The following PRKAG1 variants were observed in gnomAD, a reference collection of about 807,000 sequenced individuals.
The protein encoded by PRKAG1 is protein kinase AMP-activated non-catalytic subunit gamma 1, also known as 5'-AMP-activated protein kinase subunit gamma-1.
A neutral mutation model predicts 48.2 loss-of-function variants in PRKAG1; 27 were observed. The observed-to-expected ratio is 0.56, with a 90% CI of 0.41 to 0.77. The LOEUF is 0.77. Among genes scored for constraint, PRKAG1 ranks in the 30% least tolerant of loss-of-function variants. The pLI, the probability that PRKAG1 is intolerant of heterozygous loss-of-function variation, is 0.00. For synonymous variants in PRKAG1, 130 were observed against 147.7 expected (o/e 0.88, Z 0.87); for missense variants, 287 against 398.3 (o/e 0.72, Z 2.38).
Position 49,013,111 on chromosome 12 carries a change from C to G in PRKAG1, c.10-1G>C. The G allele has an allele frequency of 6.2e-7, 1 of 1,613,328 alleles. No individual in the cohort carries two copies. Among genetic ancestry groups the G allele is most frequent in the South Asian group, 1.1e-5 (1 of 91,060 alleles). On this transcript the variant is annotated splice_acceptor_variant, in intron 1 of 11. Transcript: ENST00000548065. LOFTEE classifies it high-confidence loss of function. ...CTGGGGAGCTATCTGAAGAAATGACCTGGAGAGATAAGAAAACAGATTCAG... is the reference window on the plus strand; with the variant it reads ...CTGGGGAGCTATCTGAAGAAATGACGTGGAGAGATAAGAAAACAGATTCAG...
chr12:49,012,441 G>A (rs1026611663), intron 2 of PRKAG1, among the ~76,000 whole-genome samples: 46 of 150,394 alleles, frequency 3.1e-4, no homozygotes, highest in Admixed American at 2.0e-3. Flanking sequence ...GCAATGGCAC[G>A]ATCTTGGCTC....
At chr12:49,015,583 T>G (rs916203942) in intron 1 of PRKAG1, among the ~76,000 whole-genome samples, 1 of 152,154 alleles carries the variant, frequency 6.6e-6, no homozygotes, top group African/African-American at 2.4e-5. Context: ...ACTTTTTTTT[T>G]GGGCGGGTGG....
At chr12:49,003,679 G>A in intron 9 of PRKAG1, 78 bp downstream of exon 9, 3 of 1,608,676 alleles carry the variant, frequency 1.9e-6, no homozygotes, top group South Asian at 2.2e-5. Flanking sequence ...TGGCTAAGCT[G>A]AGGGGAAAGC....
chr12:49,004,833 G>GTGTGTC lies in PRKAG1; in HGVS notation c.410+130_410+131insGACACA. ...AGAGACTGTGTGTGTGTGTGTGTGTGTGTGTGTGTGTGTGTGTGTGTGTGT... is the reference window on the plus strand; with the variant it reads ...AGAGACTGTGTGTGTGTGTGTGTGTGTGTGTCTGTGTGTGTGTGTGTGTGTGTGTGT... On this transcript the variant is annotated intron_variant, in intron 7 of 11. Coordinates refer to ENST00000548065, the MANE Select transcript of PRKAG1 (RefSeq NM_002733.5). 4.2e-6 allele frequency: 4 copies of GTGTGTC among 961,674 alleles called. No individual in the cohort carries two copies. The East Asian group carries it at 9.6e-5, about 23-fold the overall frequency. 59.6% of individuals were successfully genotyped at this position (961,674 alleles called of 1,614,324 possible).
chr12:49,005,349 G>C lies in PRKAG1; in HGVS notation c.266C>G (p.Thr89Ser), dbSNP rs1126930. 0.029 allele frequency: 46,290 copies of C among 1,614,146 alleles called. 802 individuals are homozygous for C. Among genetic ancestry groups the C allele is most frequent in the Non-Finnish European group, 0.035 (40,877 of 1,180,010 alleles). The stretch of plus-strand genomic sequence containing the variant: ...GCGGTGCAGGATATTGATGAAATCA[G>C]TGATGGTCAGCATGCCTAGAGGACA... ...KQSFVGMLTI[T>S]DFINILHRYY... The change falls in exon 5 of 12, where the codon ACT becomes AGT. Residue 89 changes from threonine to serine, a missense_variant. Thr to Ser is a moderately conservative substitution (Grantham distance 58, BLOSUM62 1). Transcript: ENST00000548065. This position sits in a 1 kb window ranked among gnomAD's most constrained non-coding sequence, Gnocchi z 4.1.
chr12:49,017,188 G>A (rs1166949312), intron 1 of PRKAG1: 1 of 455,948 alleles, frequency 2.2e-6, no homozygotes, highest in East Asian at 7.0e-5. Flanking sequence ...CATTTTCAAA[G>A]CAGGAGTTTT....
chr12:49,002,746 C>G lies in PRKAG1; in HGVS notation c.*153G>C. The G allele has an allele frequency of 1.3e-6, 1 of 772,068 alleles. No individual in the cohort carries two copies. Among genetic ancestry groups the G allele is most frequent in the South Asian group, 1.5e-5 (1 of 68,176 alleles). 47.8% of individuals were successfully genotyped at this position (772,068 alleles called of 1,614,324 possible). On this transcript the variant is annotated 3_prime_UTR_variant, in exon 12 of 12. Coordinates refer to ENST00000548065, the MANE Select transcript of PRKAG1 (RefSeq NM_002733.5). The stretch of plus-strand genomic sequence containing the variant: ...CTATAAATCCATTCTCTTTCCTCCC[C>G]CATACCTTCCCTAGCTCCCAGATAG...
At chr12:49,010,721 T>C (rs1941720560) in intron 2 of PRKAG1, among the ~76,000 whole-genome samples, 1 of 152,190 alleles carries the variant, frequency 6.6e-6, no homozygotes, top group Admixed American at 6.5e-5. Flanking sequence ...CTTTTCAGCT[T>C]CCAAAAATTC....
intron 2 of PRKAG1, among the ~76,000 whole-genome samples, chr12:49,008,827 T>TC (rs1941649300): frequency 6.6e-6 from 1 of 152,212 alleles, no homozygotes; most frequent in African/African-American, 2.4e-5. Context: ...GACTTTTTTT[T>TC]CCTCTCTCTG....
chr12:49,017,349 C>CACT lies in PRKAG1; in HGVS notation c.9+1382_9+1383insAGT, dbSNP rs1390653820. ...CCGAGTAGCTGGGACTACAGGCACA[C>CACT]ACCACCACCACCACGCCTGGGTAAT... On this transcript the variant is annotated intron_variant, in intron 1 of 11. Coordinates refer to ENST00000548065, the MANE Select transcript of PRKAG1 (RefSeq NM_002733.5). The CACT allele has an allele frequency of 2.4e-5, 8 of 334,098 alleles. No individual in the cohort carries two copies. In the East Asian group the frequency reaches 6.7e-4, roughly 28 times the overall value. The allele number at this position is 334,098 out of a possible 1,614,324, so 20.7% of individuals were successfully genotyped here. A position where few individuals can be genotyped will look rare whatever the true frequency, so the allele number is the denominator to read the frequency against.
intron 2 of PRKAG1, among the ~76,000 whole-genome samples, chr12:49,011,069 T>C (rs912864169): frequency 1.3e-5 from 2 of 151,844 alleles, no homozygotes; most frequent in Non-Finnish European, 2.9e-5. Context: ...TCTCAAACTC[T>C]TGTTCTCAAG....
At position 49,005,716 on chromosome 12, in the gene PRKAG1, G is replaced by A. The variant is rs772986682; in HGVS notation, c.168+27C>T. ...GGTATTAAACCACAGGCTCCAAAGG[G>A]GGAAGGGAAAAGAGGATTTCACCCA... is the stretch of plus-strand genomic sequence containing the variant. On this transcript the variant is annotated intron_variant, in intron 3 of 11. Coordinates refer to ENST00000548065, the MANE Select transcript of PRKAG1 (RefSeq NM_002733.5). This position sits in a 1 kb window ranked among gnomAD's most constrained non-coding sequence, Gnocchi z 4.1. 3 of 1,608,976 alleles carry A rather than the reference G, an allele frequency of 1.9e-6. No homozygotes were observed. Among genetic ancestry groups the A allele is most frequent in the Non-Finnish European group, 2.6e-6 (3 of 1,175,578 alleles).
chr12:49,010,695 A>G (rs1367202714), intron 2 of PRKAG1, among the ~76,000 whole-genome samples: 1 of 152,116 alleles, frequency 6.6e-6, no homozygotes, highest in Non-Finnish European at 1.5e-5. Context: ...TAAGTCATTC[A>G]TCACTCTTTT....
chr12:49,010,019 A>G (rs1941694677), intron 2 of PRKAG1, among the ~76,000 whole-genome samples: 1 of 151,920 alleles, frequency 6.6e-6, no homozygotes, highest in African/African-American at 2.4e-5. Flanking sequence ...TTTTCCTTCC[A>G]GTTGCTTTTT....
At chr12:49,018,593 C>A in intron 1 of PRKAG1, 139 bp downstream of exon 1, 1 of 1,517,814 alleles carries the variant, frequency 6.6e-7, no homozygotes, top group Non-Finnish European at 8.8e-7. Context: ...AACAGGGTCA[C>A]GGGATAGGGC....
At chr12:49,017,627 CAAGT>C (rs1218756108) in intron 1 of PRKAG1, 3 of 160,014 alleles carry the variant, frequency 1.9e-5, no homozygotes, top group African/African-American at 7.2e-5. Flanking sequence ...AATACATTTA[CAAGT>C]AAGTAGAATA....
At chr12:49,012,129 A>G (rs1407433090) in intron 2 of PRKAG1, among the ~76,000 whole-genome samples, 1 of 151,356 alleles carries the variant, frequency 6.6e-6, no homozygotes, top group East Asian at 2.0e-4. Context: ...AGTGCTGGGA[A>G]TACAGTCATG....
At position 49,004,421 on chromosome 12, in the gene PRKAG1, C is replaced by T. The variant is rs929943883; in HGVS notation, c.537+86G>A. The T allele has an allele frequency of 1.4e-5, 22 of 1,532,680 alleles. No individual in the cohort carries two copies. The African/African-American group carries it at 2.9e-4, about 20-fold the overall frequency. 94.9% of individuals were successfully genotyped at this position (1,532,680 alleles called of 1,614,324 possible). On this transcript the variant is annotated intron_variant, in intron 8 of 11. Coordinates refer to ENST00000548065, the MANE Select transcript of PRKAG1 (RefSeq NM_002733.5). Reference sequence around the variant, plus strand: ...GAGTTTGACACTAGCCTGAGCAACACAGTGAGACCTCGTCTCTCTTTTCAA... The same window carrying T: ...GAGTTTGACACTAGCCTGAGCAACATAGTGAGACCTCGTCTCTCTTTTCAA...
Position 49,005,890 on chromosome 12 carries a change from TA to T in PRKAG1, c.59-39del. ...GGATAGTTAGTAGCTTCCTTCCACA[TA>T]AAAACTCCCAATCAAAAGAGACAGA... On this transcript the variant is annotated intron_variant, in intron 2 of 11. Coordinates refer to ENST00000548065, the MANE Select transcript of PRKAG1 (RefSeq NM_002733.5). The surrounding 1 kb of genome is among the most constrained non-coding windows in gnomAD (Gnocchi z 4.1). 1 of 1,426,522 alleles carries T rather than the reference TA, an allele frequency of 7.0e-7. No homozygotes were observed. The highest frequency in any genetic ancestry group is 9.6e-7 in the Non-Finnish European group (1 of 1,046,772). 88.4% of individuals were successfully genotyped at this position (1,426,522 alleles called of 1,614,324 possible).
Sources: gnomAD v4.1 joint callset for allele counts (sites outside exome capture counted in the v4.1 genomes callset) on GRCh38, gnomAD v4.1.1 for gene constraint, Gnocchi (gnomAD v3.1) non-coding constraint, MANE v1.5 for transcripts, NCBI Gene and HGNC (gene_info 2026-07-23, HGNC 2026-07-21) for gene names.